MAST4: variants seen among roughly 807,000 people sequenced by gnomAD.
The protein encoded by MAST4 is microtubule associated serine/threonine kinase family member 4.
Under a neutral mutation model 162.7 loss-of-function variants are expected in MAST4, and 89 were observed. The ratio of observed to expected loss-of-function variants is 0.55; its 90% CI spans 0.46 to 0.65. MAST4 has a LOEUF of 0.65. Ranked by LOEUF, MAST4 falls within the 30% of genes least tolerant of loss-of-function variation. MAST4 has a pLI of 0.00. For synonymous variants in MAST4, 1,479 were observed against 1,361.1 expected (o/e 1.09, Z -1.91); for missense variants, 3,153 against 3,374.0 (o/e 0.93, Z 1.62).
chr5:67,079,343 A>G (rs116347462), intron 5 of MAST4, among the ~76,000 whole-genome samples: 2,181 of 152,254 alleles, frequency 0.014, 32 homozygotes, highest in African/African-American at 0.037. Context: ...AATAGCAAAT[A>G]TAGAACTTTA....
chr5:66,973,612 TA>T (rs1747741187), intron 4 of MAST4, among the ~76,000 whole-genome samples: 1 of 152,136 alleles, frequency 6.6e-6, no homozygotes, highest in Non-Finnish European at 1.5e-5. Context: ...ATCTCTGGGG[TA>T]AAATTTTTAG....
chr5:66,894,634 A>G (rs1428200010), intron 3 of MAST4, among the ~76,000 whole-genome samples: 1 of 152,206 alleles, frequency 6.6e-6, no homozygotes, highest in Non-Finnish European at 1.5e-5. Flanking sequence ...ACCAATGACT[A>G]ATGAAAGAAA....
chr5:66,732,939 C>A (rs1751941009), intron 1 of MAST4, among the ~76,000 whole-genome samples: 1 of 152,112 alleles, frequency 6.6e-6, no homozygotes, highest in Non-Finnish European at 1.5e-5. Context: ...TTTTTCTGGT[C>A]CAATTTGAAA....
intron 1 of MAST4, among the ~76,000 whole-genome samples, chr5:66,625,882 C>A (rs1449933217): frequency 6.6e-6 from 1 of 152,066 alleles, no homozygotes; most frequent in Admixed American, 6.6e-5. Context: ...TAGAAACAAC[C>A]TAAATGTCAC....
At chr5:67,011,481 C>T (rs1752664689) in intron 4 of MAST4, among the ~76,000 whole-genome samples, 1 of 152,228 alleles carries the variant, frequency 6.6e-6, no homozygotes, top group East Asian at 1.9e-4. Context: ...CCCCTTCAGT[C>T]CTTCTGTCAT....
intron 4 of MAST4, among the ~76,000 whole-genome samples, chr5:66,996,072 G>C (rs1352360715): frequency 2.0e-5 from 3 of 152,128 alleles, no homozygotes; most frequent in Non-Finnish European, 4.4e-5. Context: ...AAGGTCAGGA[G>C]TTTGAGACCA....
intron 4 of MAST4, among the ~76,000 whole-genome samples, chr5:66,971,325 C>T (rs984994352): frequency 6.6e-6 from 1 of 152,150 alleles, no homozygotes; most frequent in Admixed American, 6.5e-5. Flanking sequence ...GGAAATCAGG[C>T]CGTGGGCCCC....
intron 7 of MAST4, among the ~76,000 whole-genome samples, chr5:67,096,480 T>C (rs1012525449): frequency 2.6e-5 from 4 of 152,214 alleles, no homozygotes; most frequent in African/African-American, 9.6e-5. Flanking sequence ...ACCTAGAGCC[T>C]CATTTTGTCA....
chr5:67,144,817 G>A (rs1770865984), intron 22 of MAST4, 21 bp downstream of exon 22: 2 of 1,578,766 alleles, frequency 1.3e-6, no homozygotes, highest in African/African-American at 2.7e-5. Context: ...TGCCTCTTAA[G>A]TAATATAAGC....
At chr5:66,800,810 T>G (rs951493649) in intron 3 of MAST4, among the ~76,000 whole-genome samples, 3 of 152,230 alleles carry the variant, frequency 2.0e-5, no homozygotes, top group Non-Finnish European at 2.9e-5. Context: ...ATAAGGATCC[T>G]GCTCTTCATG....
intron 1 of MAST4, among the ~76,000 whole-genome samples, chr5:66,664,102 C>A (rs1747085340): frequency 6.6e-6 from 1 of 152,022 alleles, no homozygotes; most frequent in Non-Finnish European, 1.5e-5. Flanking sequence ...TTGGCATTTA[C>A]TGAGCTGTGG....
At chr5:67,149,773 C>T (rs576679265) in intron 24 of MAST4, among the ~76,000 whole-genome samples, 184 bp downstream of exon 24, 5 of 152,294 alleles carry the variant, frequency 3.3e-5, no homozygotes, top group East Asian at 3.9e-4. Context: ...TTTGTAGGGC[C>T]GCCAAGGAGC....
At chr5:67,059,725 G>A (rs1241291379) in intron 5 of MAST4, among the ~76,000 whole-genome samples, 1 of 152,180 alleles carries the variant, frequency 6.6e-6, no homozygotes, top group Non-Finnish European at 1.5e-5. Flanking sequence ...AGGAAGGATG[G>A]AAAGGAGTTT....
chr5:67,027,489 A>G (rs1391934448), intron 4 of MAST4, among the ~76,000 whole-genome samples: 2 of 152,212 alleles, frequency 1.3e-5, no homozygotes, highest in Non-Finnish European at 2.9e-5. Context: ...ATGGAGTCTT[A>G]GACATGGTTC....
intron 18 of MAST4, 66 bp from the exon 19 acceptor site, chr5:67,136,497 C>A: frequency 8.4e-7 from 1 of 1,191,934 alleles, no homozygotes; most frequent in Non-Finnish European, 1.2e-6. Flanking sequence ...CAGGTGATGT[C>A]CATGTTGCTG....
intron 1 of MAST4, among the ~76,000 whole-genome samples, chr5:66,646,659 T>C (rs186996264): frequency 6.6e-6 from 1 of 152,234 alleles, no homozygotes; most frequent in South Asian, 2.1e-4. Flanking sequence ...CATTGTACCC[T>C]CTACTTCCTA....
chr5:66,938,340 T>C (rs1742987960), intron 4 of MAST4, among the ~76,000 whole-genome samples: 2 of 152,220 alleles, frequency 1.3e-5, no homozygotes, highest in Admixed American at 1.3e-4. Flanking sequence ...TTTAGTTACA[T>C]GGTAATTTTG....
chr5:67,034,703 A>G (rs978472359), intron 4 of MAST4, among the ~76,000 whole-genome samples: 1 of 152,210 alleles, frequency 6.6e-6, no homozygotes, highest in African/African-American at 2.4e-5. Flanking sequence ...CCAATGCAAT[A>G]TGATAATCAC....
intron 1 of MAST4, among the ~76,000 whole-genome samples, chr5:66,686,508 T>C (rs1369696694): frequency 6.6e-6 from 1 of 152,220 alleles, no homozygotes; most frequent in African/African-American, 2.4e-5. Context: ...CTTGAAGAAT[T>C]GTTCCTTAAC....
Sources: gnomAD v4.1 joint callset for allele counts (sites outside exome capture counted in the v4.1 genomes callset) on GRCh38, gnomAD v4.1.1 for gene constraint, MANE v1.5 for transcripts, NCBI Gene and HGNC (gene_info 2026-07-23, HGNC 2026-07-21) for gene names.